Variants in AGAP1 observed in about 807,000 individuals in gnomAD.
AGAP1 encodes arf-GAP with GTPase, ANK repeat and PH domain-containing protein 1.
A neutral mutation model predicts 105.3 loss-of-function variants in AGAP1; 29 were observed. The ratio of observed to expected loss-of-function variants is 0.28; its 90% confidence interval spans 0.21 to 0.38. The LOEUF (loss-of-function observed/expected upper bound fraction) is 0.38. Among genes scored for constraint, AGAP1 ranks in the 10% least tolerant of loss-of-function variants. The probability of loss-of-function intolerance (pLI) is 1.00; values close to 1 mark genes in which losing one functional copy is unlikely to be tolerated. For missense variants in AGAP1, 998 were observed against 1,165.1 expected (o/e 0.86, Z 2.09); for synonymous variants, 509 against 485.9 (o/e 1.05, Z -0.63).
chr2:236,069,908 T>G (rs1156511230), intron 16 of AGAP1, among the ~76,000 whole-genome samples: 1 of 152,270 alleles, frequency 6.6e-6, no homozygotes, highest in Admixed American at 6.5e-5. Flanking sequence ...GGTTAGATTT[T>G]TAATAAGCTA....
rs539504232 is a variant in AGAP1, at chr2:235,690,709, G to A, written c.164-18470G>A. 6.6e-6 allele frequency among the ~76,000 whole-genome samples: 1 copy of A among 152,146 alleles called. No individual in the cohort carries two copies. Among genetic ancestry groups the A allele is most frequent in the Admixed American group, 6.5e-5 (1 of 15,280 alleles). On this transcript the variant is annotated intron_variant, in intron 1 of 17. Transcript: ENST00000304032. The surrounding 1 kb of genome is among the most constrained non-coding windows in gnomAD (Gnocchi z 4.1). ...TCTTTGGAAAGAGGTGCAGGCTTCCGGCTATTGGTAGACACCTGTCTGCTT... is the reference window on the plus strand; with the variant it reads ...TCTTTGGAAAGAGGTGCAGGCTTCCAGCTATTGGTAGACACCTGTCTGCTT...
intron 9 of AGAP1, among the ~76,000 whole-genome samples, chr2:235,807,814 CTT>C (rs1298979171): frequency 2.0e-5 from 3 of 152,258 alleles, no homozygotes; most frequent in African/African-American, 7.2e-5. Flanking sequence ...GCTGTGCGCT[CTT>C]GTTTGTAATT....
At chr2:235,758,328 A>G (rs755658622) in intron 6 of AGAP1, among the ~76,000 whole-genome samples, 26 of 152,336 alleles carry the variant, frequency 1.7e-4, no homozygotes, top group Admixed American at 5.9e-4. Flanking sequence ...TTATGCAACA[A>G]TTTAACGGCT....
chr2:235,848,825 C>T (rs772497048), intron 9 of AGAP1, among the ~76,000 whole-genome samples: 4 of 152,146 alleles, frequency 2.6e-5, no homozygotes, highest in African/African-American at 9.7e-5. Flanking sequence ...CTCATTTGGG[C>T]TCTGAATGCT....
intron 16 of AGAP1, among the ~76,000 whole-genome samples, chr2:236,074,829 C>T (rs558768989): frequency 8.5e-5 from 13 of 152,170 alleles, no homozygotes; most frequent in Non-Finnish European, 4.4e-5. Context: ...CTGAAGCATG[C>T]GCATCAGTTG....
At chr2:235,708,265 T>A (rs1226139249) in intron 1 of AGAP1, among the ~76,000 whole-genome samples, 1 of 152,198 alleles carries the variant, frequency 6.6e-6, no homozygotes, top group African/African-American at 2.4e-5. Flanking sequence ...GGGATGCACC[T>A]CCTCCCTCTG....
Position 235,962,295 on chromosome 2 carries a change from C to CT in AGAP1, c.1484-6166dup, listed in dbSNP as rs1270154015. On this transcript the variant is annotated intron_variant, in intron 12 of 17. Coordinates refer to ENST00000304032, the MANE Select transcript of AGAP1 (RefSeq NM_001037131.3). The surrounding 1 kb of genome is among the most constrained non-coding windows in gnomAD (Gnocchi z 5.3). ...TGCATGGCACCACCCTCTCCCAGCC[C>CT]TGGCCCATGACGGTGCTGAGCAGGT... Among the ~76,000 whole-genome samples the CT allele has an allele frequency of 6.6e-6, 1 of 152,114 alleles. No individual in the cohort carries two copies. The highest frequency in any genetic ancestry group is 1.9e-4 in the East Asian group (1 of 5,168).
In AGAP1 at chr2:235,612,995, T is replaced by A. The variant is rs1412574219; in HGVS notation, c.164-96184T>A. Among the ~76,000 whole-genome samples the A allele has an allele frequency of 6.6e-6, 1 of 152,146 alleles. No homozygotes were observed. The highest frequency in any genetic ancestry group is 1.5e-5 in the Non-Finnish European group (1 of 68,012). On this transcript the variant is annotated intron_variant, in intron 1 of 17. Coordinates refer to ENST00000304032, the MANE Select transcript of AGAP1 (RefSeq NM_001037131.3). This position sits in a 1 kb window ranked among gnomAD's most constrained non-coding sequence, Gnocchi z 4.3. The stretch of plus-strand genomic sequence containing the variant: ...GGTGAGGTTAGCAAATACGTATAGA[T>A]TGTAACAAGAGAATTTTGCATTTCA...
intron 9 of AGAP1, among the ~76,000 whole-genome samples, chr2:235,880,242 G>A (rs1449315499): frequency 2.0e-5 from 3 of 152,190 alleles, no homozygotes; most frequent in East Asian, 1.9e-4. Context: ...ACAATTTTGA[G>A]GATGTGATTT....
intron 1 of AGAP1, among the ~76,000 whole-genome samples, chr2:235,591,910 C>G (rs987398448): frequency 6.6e-6 from 1 of 151,348 alleles, no homozygotes; most frequent in Non-Finnish European, 1.5e-5. Context: ...GCCTGCTCCC[C>G]CTTCGTCTTC....
At position 235,963,897 on chromosome 2, in the gene AGAP1, G is replaced by A. The variant is rs1043303473; in HGVS notation, c.1484-4565G>A. Among the ~76,000 whole-genome samples the A allele has an allele frequency of 4.6e-5, 7 of 152,262 alleles. No individual in the cohort carries two copies. In the East Asian group the frequency reaches 1.4e-3, roughly 29 times the overall value. Reference sequence around the variant, plus strand: ...CCCTGTGGAAGCCTGTCGTGTGGACGGCATAGCTAATGTGTGTGTTCTGAG... The same window carrying A: ...CCCTGTGGAAGCCTGTCGTGTGGACAGCATAGCTAATGTGTGTGTTCTGAG... On this transcript the variant is annotated intron_variant, in intron 12 of 17. Coordinates refer to ENST00000304032, the MANE Select transcript of AGAP1 (RefSeq NM_001037131.3). This position sits in a 1 kb window ranked among gnomAD's most constrained non-coding sequence, Gnocchi z 5.1.
chr2:235,546,071 T>C (rs1191182789), intron 1 of AGAP1, among the ~76,000 whole-genome samples: 1 of 152,242 alleles, frequency 6.6e-6, no homozygotes, highest in Non-Finnish European at 1.5e-5. Flanking sequence ...CTGTGTGCTT[T>C]GCAAATGAAC....
At chr2:235,570,250 C>T (rs1178817182) in intron 1 of AGAP1, among the ~76,000 whole-genome samples, 3 of 152,140 alleles carry the variant, frequency 2.0e-5, no homozygotes, top group African/African-American at 7.2e-5. Flanking sequence ...TGAGCAGTCC[C>T]CGGCTAGCGG....
At position 235,601,533 on chromosome 2, in the gene AGAP1, C is replaced by T. The variant is rs1171782033; in HGVS notation, c.163+106684C>T. 1.3e-5 allele frequency among the ~76,000 whole-genome samples: 2 copies of T among 152,124 alleles called. No individual in the cohort carries two copies. On this transcript the variant is annotated intron_variant, in intron 1 of 17. Transcript: ENST00000304032. This position sits in a 1 kb window ranked among gnomAD's most constrained non-coding sequence, Gnocchi z 4.4. ...ACATGGGGGCAGGCAAGAGAGCTTG[C>T]TCAGGCGAACTCCCGTTTATAAAAC...
intron 1 of AGAP1, among the ~76,000 whole-genome samples, chr2:235,653,307 T>TA (rs1947661645): frequency 6.6e-6 from 1 of 150,670 alleles, no homozygotes; most frequent in South Asian, 2.1e-4. Flanking sequence ...CTCCTAAAAA[T>TA]AAAAAAATTA....
rs919762015 is a variant in AGAP1, at chr2:236,104,985, G to C, written c.2115-15207G>C. 6.6e-6 allele frequency among the ~76,000 whole-genome samples: 1 copy of C among 152,130 alleles called. No individual in the cohort carries two copies. The highest frequency in any genetic ancestry group is 2.4e-5 in the African/African-American group (1 of 41,434). ...ATGCCCGTCTAAGCCTGTGCCCATA[G>C]CTCTGACTGGATTTCACCAACTCCA... is the stretch of plus-strand genomic sequence containing the variant. On this transcript the variant is annotated intron_variant, in intron 16 of 17. Coordinates refer to ENST00000304032, the MANE Select transcript of AGAP1 (RefSeq NM_001037131.3). The surrounding 1 kb of genome is among the most constrained non-coding windows in gnomAD (Gnocchi z 4.7).
At chr2:235,643,565 G>T (rs1383014194) in intron 1 of AGAP1, among the ~76,000 whole-genome samples, 2 of 151,798 alleles carry the variant, frequency 1.3e-5, no homozygotes, top group Non-Finnish European at 2.9e-5. Context: ...GGAAAAAACT[G>T]GAAAACTCTC....
chr2:235,674,146 TC>T (rs908242599), intron 1 of AGAP1, among the ~76,000 whole-genome samples: 5 of 152,312 alleles, frequency 3.3e-5, no homozygotes, highest in Admixed American at 1.3e-4. Context: ...TTTAGGCTCT[TC>T]CTAGTTCTTC....
intron 16 of AGAP1, among the ~76,000 whole-genome samples, chr2:236,052,831 C>T (rs1184054008): frequency 2.0e-5 from 3 of 152,116 alleles, no homozygotes; most frequent in South Asian, 2.1e-4. Context: ...CAGAGCAATG[C>T]TACAACAATT....
Sources: allele counts gnomAD v4.1 joint callset (sites outside exome capture counted in the v4.1 genomes callset), GRCh38; gene constraint gnomAD v4.1.1; non-coding constraint Gnocchi (gnomAD v3.1); transcripts MANE v1.5; gene names NCBI Gene and HGNC (gene_info 2026-07-23, HGNC 2026-07-21).